Variants in WDR33 observed in about 807,000 individuals in gnomAD.
WDR33 encodes WD repeat domain 33.
Under a neutral mutation model 164.9 loss-of-function variants are expected in WDR33, and 47 were observed. That is an observed-to-expected ratio of 0.29 (90% CI 0.23 to 0.36). The LOEUF is 0.36. WDR33 is among the 10% of genes least tolerant of loss of function. The probability of loss-of-function intolerance (pLI) is 1.00; values close to 1 mark genes in which losing one functional copy is unlikely to be tolerated. For synonymous variants in WDR33, 505 were observed against 589.0 expected (o/e 0.86, Z 2.06); for missense variants, 1,137 against 1,754.1 (o/e 0.65, Z 6.28).
At position 127,708,559 on chromosome 2, in the gene WDR33, C is replaced by T. The variant is rs980906472; in HGVS notation, c.3781+118G>A. On this transcript the variant is annotated intron_variant, in intron 21 of 21. Transcript: ENST00000322313. The surrounding 1 kb of genome is among the most constrained non-coding windows in gnomAD (Gnocchi z 6.7). ...GACAGCTCGTGTGGCACTGGCACCA[C>T]ATTTAGGAGCATGTGCCTCTGCACA... The T allele has an allele frequency of 4.3e-6, 5 of 1,170,132 alleles. No homozygotes were observed. The highest frequency in any genetic ancestry group is 4.8e-6 in the Non-Finnish European group (4 of 835,072). 72.5% of individuals were successfully genotyped at this position (1,170,132 alleles called of 1,614,324 possible).
rs912120972 is a variant in WDR33 at position 127,763,222 on chromosome 2, TCAGA to T, written c.627-67_627-64del. 8 of 1,611,156 alleles carry T rather than the reference TCAGA, an allele frequency of 5.0e-6. No homozygotes were observed. Among genetic ancestry groups the T allele is most frequent in the Middle Eastern group, 3.3e-4 (2 of 6,060 alleles). On this transcript the variant is annotated intron_variant, in intron 6 of 21. Transcript: ENST00000322313. The surrounding 1 kb of genome is among the most constrained non-coding windows in gnomAD (Gnocchi z 4.5). The stretch of plus-strand genomic sequence containing the variant: ...GCATTTAACAGATAATCTGTGCTTC[TCAGA>T]CAGGGAAAAATAAAAACACTGTGCT...
intron 1 of WDR33, among the ~76,000 whole-genome samples, chr2:127,777,110 T>G (rs1257526545): frequency 6.6e-6 from 1 of 152,238 alleles, no homozygotes; most frequent in Admixed American, 6.5e-5. Flanking sequence ...ATTTGCCTAT[T>G]GTTGAATTCA....
In WDR33 at chr2:127,710,489, C is replaced by T. The variant is rs754339729; in HGVS notation, c.3309-633G>A. Reference sequence around the variant, plus strand: ...ATGACCACGAGTGGCACTCATGGCCCGAGTCCACAGCTGATGGGCACACAG... The same window carrying T: ...ATGACCACGAGTGGCACTCATGGCCTGAGTCCACAGCTGATGGGCACACAG... On this transcript the variant is annotated intron_variant, in intron 18 of 21. Coordinates refer to ENST00000322313, the MANE Select transcript of WDR33 (RefSeq NM_018383.5). The surrounding 1 kb of genome is among the most constrained non-coding windows in gnomAD (Gnocchi z 4.4). 6.6e-6 allele frequency among the ~76,000 whole-genome samples: 1 copy of T among 152,128 alleles called. No homozygotes were observed. The highest frequency in any genetic ancestry group is 1.5e-5 in the Non-Finnish European group (1 of 68,002).
intron 17 of WDR33, among the ~76,000 whole-genome samples, chr2:127,715,142 A>G (rs1686270254): frequency 7.5e-6 from 1 of 134,118 alleles, no homozygotes; most frequent in African/African-American, 2.9e-5. Context: ...ACCAGGCTGG[A>G]ATGAAGTGGC....
intron 7 of WDR33, among the ~76,000 whole-genome samples, chr2:127,757,817 A>C (rs1207764982): frequency 2.0e-5 from 3 of 152,240 alleles, no homozygotes; most frequent in African/African-American, 7.2e-5. Context: ...AAACTTTGTA[A>C]ATGTGTCTTC....
chr2:127,751,721 A>C (rs1687370056), intron 7 of WDR33, among the ~76,000 whole-genome samples: 2 of 152,190 alleles, frequency 1.3e-5, no homozygotes, highest in South Asian at 2.1e-4. Flanking sequence ...GTTCTACAGA[A>C]AGAACATTAA....
intron 7 of WDR33, among the ~76,000 whole-genome samples, chr2:127,733,988 C>T (rs1025594884): frequency 6.6e-6 from 1 of 152,188 alleles, no homozygotes; most frequent in Non-Finnish European, 1.5e-5. Context: ...CTTCATCTCA[C>T]TAAATATAAC....
Position 127,735,902 on chromosome 2 carries a change from A to G in WDR33, c.725-9125T>C. On this transcript the variant is annotated intron_variant, in intron 7 of 21. Coordinates refer to ENST00000322313, the MANE Select transcript of WDR33 (RefSeq NM_018383.5). The surrounding 1 kb of genome is among the most constrained non-coding windows in gnomAD (Gnocchi z 4.3). ...TAGTCATCTTTGTTGTCCAGTCTAG[A>G]AAGTTACATCAGTGAAAAACTATAG... The G allele has an allele frequency of 5.1e-6, 5 of 985,462 alleles. No individual in the cohort carries two copies. The highest frequency in any genetic ancestry group is 6.0e-6 in the Non-Finnish European group (5 of 829,938). The allele number at this position is 985,462 out of a possible 1,614,324, so 61.0% of individuals were successfully genotyped here.
At chr2:127,810,102 C>T (rs140608719) in intron 1 of WDR33, among the ~76,000 whole-genome samples, 1 of 152,008 alleles carries the variant, frequency 6.6e-6, no homozygotes, top group South Asian at 2.1e-4. Context: ...CATGCATTAG[C>T]TCTCCAGAGT....
At chr2:127,749,678 A>G (rs1687261522) in intron 7 of WDR33, among the ~76,000 whole-genome samples, 1 of 151,084 alleles carries the variant, frequency 6.6e-6, no homozygotes, top group Admixed American at 6.6e-5. Flanking sequence ...AAAAAAAAAA[A>G]GAAATGCCAT....
intron 7 of WDR33, among the ~76,000 whole-genome samples, chr2:127,758,715 T>C (rs538299427): frequency 6.6e-6 from 1 of 152,288 alleles, no homozygotes; most frequent in Admixed American, 6.5e-5. Context: ...CCTTACTGAT[T>C]CCGTATTTTC....
intron 7 of WDR33, among the ~76,000 whole-genome samples, chr2:127,752,576 G>A (rs1001140445): frequency 1.6e-5 from 2 of 127,450 alleles, no homozygotes; most frequent in Non-Finnish European, 3.1e-5. Flanking sequence ...CGGCCTGGGC[G>A]ACAGAGCGAG....
At chr2:127,807,203 A>G (rs1185609365) in intron 1 of WDR33, among the ~76,000 whole-genome samples, 3 of 152,114 alleles carry the variant, frequency 2.0e-5, no homozygotes, top group Admixed American at 1.3e-4. Context: ...ATGGGGTTTC[A>G]CCATGTTGGC....
Position 127,719,293 on chromosome 2 carries a change from C to T in WDR33, c.2732G>A (p.Gly911Asp). The stretch of plus-strand genomic sequence containing the variant: ...GTTGAAGGGGGCCCGGGGCCCATCA[C>T]CTAGCAGAGGCGTTTTCTGTTGCTG... ...PFQQQKTPLL[G>D]DGPRAPFNQE... The change falls in exon 16 of 22, where the codon GGT becomes GAT. Residue 911 changes from glycine to aspartate, a missense_variant. Physicochemically the swap from Gly to Asp is moderately conservative, Grantham distance 94 (BLOSUM62 -1). Transcript: ENST00000322313. The surrounding 1 kb of genome is among the most constrained non-coding windows in gnomAD (Gnocchi z 6.5). 1 of 1,455,884 alleles carries T rather than the reference C, an allele frequency of 6.9e-7. No individual in the cohort carries two copies. Among genetic ancestry groups the T allele is most frequent in the Non-Finnish European group, 9.1e-7 (1 of 1,102,634 alleles). The allele number at this position is 1,455,884 out of a possible 1,614,324, so 90.2% of individuals were successfully genotyped here. A position where few individuals can be genotyped will look rare whatever the true frequency, so the allele number is the denominator to read the frequency against.
intron 7 of WDR33, among the ~76,000 whole-genome samples, chr2:127,756,490 AATGAAAAAGCCAAGACATATTATACATTT>A (rs1313122488): frequency 6.6e-6 from 1 of 152,148 alleles, no homozygotes; most frequent in Non-Finnish European, 1.5e-5. Context: ...ACTCACCGAA[AATGAAAAAGCCAAGACATATTATACATTT>A]ATCTAACTGT....
chr2:127,794,787 TCATGC>T (rs1688967131), intron 1 of WDR33, among the ~76,000 whole-genome samples: 2 of 138,702 alleles, frequency 1.4e-5, no homozygotes, highest in South Asian at 4.6e-4. Context: ...TGAGCCGAGA[TCATGC>T]CACTGCACCC....
At chr2:127,796,531 G>A (rs1234570110) in intron 1 of WDR33, among the ~76,000 whole-genome samples, 3 of 151,974 alleles carry the variant, frequency 2.0e-5, no homozygotes, top group Non-Finnish European at 4.4e-5. Context: ...CCCAGCCTGA[G>A]CAACAAAATG....
intron 1 of WDR33, among the ~76,000 whole-genome samples, chr2:127,781,413 CAT>C (rs1407689779): frequency 3.3e-5 from 5 of 152,070 alleles, no homozygotes; most frequent in Admixed American, 6.6e-5. Context: ...GGAACATAAA[CAT>C]ATAGTAAGAT....
chr2:127,782,099 A>G (rs1192080031), intron 1 of WDR33, among the ~76,000 whole-genome samples: 1 of 151,528 alleles, frequency 6.6e-6, no homozygotes, highest in East Asian at 2.0e-4. Flanking sequence ...GTGGATCACT[A>G]AACTTGACAT....
Sources: allele counts gnomAD v4.1 joint callset (sites outside exome capture counted in the v4.1 genomes callset), GRCh38; gene constraint gnomAD v4.1.1; non-coding constraint Gnocchi (gnomAD v3.1); transcripts MANE v1.5; gene names NCBI Gene and HGNC (gene_info 2026-07-23, HGNC 2026-07-21).